Variants in BRWD3 observed in about 807,000 individuals in gnomAD.
The protein encoded by BRWD3 is bromodomain and WD repeat-containing protein 3.
In BRWD3, 10 loss-of-function variants were observed where a neutral mutation model predicts 149.7. That is an observed-to-expected ratio of 0.07 (90% CI 0.04 to 0.11). The LOEUF (loss-of-function observed/expected upper bound fraction) is 0.11, where lower values mean the gene tolerates loss of function less well. BRWD3 is among the 10% of genes least tolerant of loss of function. BRWD3 has a pLI of 1.00. For missense variants in BRWD3, 940 were observed against 1,373.2 expected, an observed-to-expected ratio of 0.68 and a Z score of 4.99; for synonymous variants, 504 against 456.7, an observed-to-expected ratio of 1.10 and a Z score of -1.32.
At chrX:80,748,222 A>T (rs1344692493) in intron 6 of BRWD3, among the ~76,000 whole-genome samples, 2 of 111,309 alleles carry the variant, frequency 1.8e-5, no homozygotes, top group African/African-American at 6.5e-5. Context: ...CTATTTCTGC[A>T]TCTATTGAAA....
chrX:80,771,633 A>C (rs1310148725), intron 6 of BRWD3, among the ~76,000 whole-genome samples: 2 of 111,939 alleles, frequency 1.8e-5, no homozygotes, highest in African/African-American at 3.2e-5. Flanking sequence ...TAATTAAACT[A>C]AAGAGCTTCT....
intron 9 of BRWD3, 35 bp downstream of exon 9, chrX:80,735,953 A>G: frequency 1.0e-6 from 1 of 1,002,518 alleles, no homozygotes; most frequent in Non-Finnish European, 1.4e-6. Context: ...TAAAAAATTA[A>G]CATGCTTAAT....
intron 6 of BRWD3, among the ~76,000 whole-genome samples, chrX:80,787,507 C>T (rs932073380): frequency 1.9e-5 from 2 of 105,751 alleles, no homozygotes; most frequent in African/African-American, 7.0e-5. Flanking sequence ...AAATGTGCCA[C>T]GATAATCCAA....
chrX:80,729,476 C>T (rs2073295794), intron 13 of BRWD3, among the ~76,000 whole-genome samples: 1 of 110,990 alleles, frequency 9.0e-6, no homozygotes, highest in African/African-American at 3.3e-5. Flanking sequence ...GTGAAGATGA[C>T]AAAACTAAAT....
intron 6 of BRWD3, among the ~76,000 whole-genome samples, chrX:80,790,100 G>A (rs897243144): frequency 1.9e-5 from 2 of 103,511 alleles, no homozygotes; most frequent in Admixed American, 1.1e-4. Context: ...CAGAAGAATC[G>A]CTTGAACGAG....
chrX:80,674,240 G>A lies in BRWD3; in HGVS notation c.*2369C>T, dbSNP rs2147664200. The A allele has an allele frequency of 9.0e-6, 1 of 111,424 alleles. No homozygotes were observed. The highest frequency in any genetic ancestry group is 2.8e-4 in the East Asian group (1 of 3,572). The allele number at this position is 111,424 out of a possible 1,213,427, so 9.2% of individuals were successfully genotyped here. ...CTACATATAAAATATGCTTTAAAAT[G>A]TCTTCAGCCTTATTATTCTAATTAT... On this transcript the variant is annotated 3_prime_UTR_variant, in exon 41 of 41. Transcript: ENST00000373275.
At chrX:80,741,123 T>C (rs752109548) in intron 8 of BRWD3, among the ~76,000 whole-genome samples, 2 of 109,822 alleles carry the variant, frequency 1.8e-5, no homozygotes, top group East Asian at 5.8e-4. Flanking sequence ...GGTGTTCTCA[T>C]TGTTCAATTC....
At chrX:80,694,453 C>T (rs1457751350) in intron 27 of BRWD3, among the ~76,000 whole-genome samples, 3 of 110,985 alleles carry the variant, frequency 2.7e-5, no homozygotes, top group Non-Finnish European at 5.7e-5. Context: ...CCTCCAGACC[C>T]CAGAATGGCA....
At chrX:80,719,940 T>C (rs2073121108) in intron 17 of BRWD3, among the ~76,000 whole-genome samples, 1 of 111,311 alleles carries the variant, frequency 9.0e-6, no homozygotes, top group Admixed American at 9.6e-5. Context: ...AAACCACATA[T>C]ACGACGGTAG....
intron 20 of BRWD3, among the ~76,000 whole-genome samples, chrX:80,715,385 A>T (rs777924171): frequency 2.4e-4 from 27 of 112,132 alleles, no homozygotes; most frequent in Non-Finnish European, 4.3e-4. Flanking sequence ...ATGCAAATTC[A>T]GGGTCCATTA....
At chrX:80,736,804 A>C (rs2073411495) in intron 8 of BRWD3, among the ~76,000 whole-genome samples, 1 of 111,428 alleles carries the variant, frequency 9.0e-6, no homozygotes, top group South Asian at 3.8e-4. Flanking sequence ...ACATATCCTC[A>C]GAAAAGAATC....
chrX:80,750,209 C>G (rs2147798014), intron 6 of BRWD3, among the ~76,000 whole-genome samples: 1 of 111,261 alleles, frequency 9.0e-6, no homozygotes, highest in Non-Finnish European at 1.9e-5. Context: ...GGACTCCAAA[C>G]ACAGGCAACA....
chrX:80,792,076 G>A, intron 5 of BRWD3, 124 bp from the exon 6 acceptor site: 1 of 484,466 alleles, frequency 2.1e-6, no homozygotes. Context: ...AAACCAAAAT[G>A]AAAATAATAG....
At position 80,809,750 on chromosome X, in the gene BRWD3, G is replaced by GGAA; in HGVS notation, c.-280_-279insTTC. Reference sequence around the variant, plus strand: ...GAGAGAGAGAGAAGAGAGAGAGAGAGAGAGGAAAAAGAGAGAGAGAGAGAG... The same window carrying GGAA: ...GAGAGAGAGAGAAGAGAGAGAGAGAGGAAAGAGGAAAAAGAGAGAGAGAGAGAG... On this transcript the variant is annotated 5_prime_UTR_variant, in exon 1 of 41. Coordinates refer to ENST00000373275, the MANE Select transcript of BRWD3 (RefSeq NM_153252.5). The GGAA allele has an allele frequency of 5.4e-6, 1 of 185,118 alleles. No individual in the cohort carries two copies. Among genetic ancestry groups the GGAA allele is most frequent in the Admixed American group, 9.5e-5 (1 of 10,550 alleles). 15.3% of individuals were successfully genotyped at this position (185,118 alleles called of 1,213,427 possible).
intron 33 of BRWD3, among the ~76,000 whole-genome samples, chrX:80,689,101 T>C (rs2072576244): frequency 9.0e-6 from 1 of 111,350 alleles, no homozygotes; most frequent in African/African-American, 3.3e-5. Context: ...CATATGTGAG[T>C]CACTCATCCC....
chrX:80,699,233 A>G (rs909267311), intron 25 of BRWD3, among the ~76,000 whole-genome samples: 2 of 110,948 alleles, frequency 1.8e-5, no homozygotes, highest in African/African-American at 6.6e-5. Context: ...TAAAAAATAA[A>G]TAAATAAATA....
rs1246751053 is a variant in BRWD3 at position 80,715,210 on chromosome X, C to T, written c.2325+947G>A. ...CAGTGTTCTGAGTCATTCAAAATCT[C>T]TTAAAAAAAAAAAAACTTACCAGAG... On this transcript the variant is annotated intron_variant, in intron 20 of 40. Transcript: ENST00000373275. Among the ~76,000 whole-genome samples the T allele has an allele frequency of 2.6e-4, 27 of 102,552 alleles. 1 individual carries two copies. Among genetic ancestry groups the T allele is most frequent in the Admixed American group, 2.4e-3 (23 of 9,741 alleles). The allele number at this position is 102,552 out of a possible 115,157, so 89.1% of individuals were successfully genotyped here.
rs2147777268 is a variant in BRWD3 at position 80,735,189 on chromosome X, G to A, written c.923C>T (p.Pro308Leu). ...HVKTMKFRDR[P>L]VKFTERSRPG... Reference sequence around the variant, plus strand: ...TCTGGATCTCTCAGTAAATTTCACCGGGCGATCTCTAAAGATAAAAATAAG... The same window carrying A: ...TCTGGATCTCTCAGTAAATTTCACCAGGCGATCTCTAAAGATAAAAATAAG... The change falls in exon 10 of 41, where the codon CCG becomes CTG. Residue 308 changes from proline to leucine, a missense_variant. By Grantham distance (98) the Pro-to-Leu change is moderately conservative. Around this residue, in one of 6 missense-constraint regions of BRWD3, gnomAD observed 209 missense variants for 396.8 expected, o/e 0.53. Coordinates refer to ENST00000373275, the MANE Select transcript of BRWD3 (RefSeq NM_153252.5). 2.5e-6 allele frequency: 3 copies of A among 1,205,054 alleles called. No homozygotes were observed. The highest frequency in any genetic ancestry group is 3.4e-6 in the Non-Finnish European group (3 of 889,998).
At chrX:80,805,254 A>G (rs991786190) in intron 4 of BRWD3, among the ~76,000 whole-genome samples, 2 of 111,616 alleles carry the variant, frequency 1.8e-5, no homozygotes, top group African/African-American at 3.3e-5. Context: ...CATTACTACT[A>G]CTAACAGTAG....
Sources: allele counts gnomAD v4.1 joint callset (sites outside exome capture counted in the v4.1 genomes callset), GRCh38; gene constraint gnomAD v4.1.1; regional missense constraint gnomAD v4.1.1; transcripts MANE v1.5; gene names NCBI Gene and HGNC (gene_info 2026-07-23, HGNC 2026-07-21).